The following PHACTR1 variants were observed in gnomAD, a reference collection of about 807,000 sequenced individuals.
The protein encoded by PHACTR1 is phosphatase and actin regulator 1, also known as RPEL repeat containing 1.
PHACTR1 carries 16 observed loss-of-function variants against 69.2 expected under a neutral mutation model. The observed-to-expected ratio is 0.23, with a 90% CI of 0.16 to 0.35. The LOEUF is 0.35. Ranked by LOEUF, PHACTR1 falls within the 10% of genes least tolerant of loss-of-function variation. The pLI is 1.00. For missense variants in PHACTR1, 510 were observed against 734.7 expected (o/e 0.69, Z 3.54); for synonymous variants, 312 against 284.5 (o/e 1.10, Z -0.97).
chr6:13,139,694 C>T (rs900786165), intron 5 of PHACTR1, among the ~76,000 whole-genome samples: 1 of 152,140 alleles, frequency 6.6e-6, no homozygotes, highest in Non-Finnish European at 1.5e-5. Context: ...TAAAGACTTT[C>T]ATCACACACA....
intron 4 of PHACTR1, among the ~76,000 whole-genome samples, chr6:12,915,189 A>G (rs768821640): frequency 2.6e-5 from 4 of 152,166 alleles, no homozygotes; most frequent in Non-Finnish European, 5.9e-5. Flanking sequence ...GAGTGAGAGC[A>G]AGAAAATGCA....
At chr6:13,250,708 T>C (rs977863057) in intron 10 of PHACTR1, among the ~76,000 whole-genome samples, 3 of 152,188 alleles carry the variant, frequency 2.0e-5, no homozygotes, top group African/African-American at 7.2e-5. Flanking sequence ...TGAAGCTAGA[T>C]TCCAAGTCCT....
intron 4 of PHACTR1, among the ~76,000 whole-genome samples, chr6:12,804,204 T>C (rs1394732957): frequency 6.6e-6 from 1 of 152,244 alleles, no homozygotes; most frequent in Non-Finnish European, 1.5e-5. Flanking sequence ...CAAATGCCTA[T>C]GGAATTATCT....
At chr6:12,860,883 A>G (rs1015133335) in intron 4 of PHACTR1, among the ~76,000 whole-genome samples, 1 of 152,080 alleles carries the variant, frequency 6.6e-6, no homozygotes, top group African/African-American at 2.4e-5. Context: ...TGACAATTAC[A>G]AAATTCATTG....
At chr6:13,167,504 C>T (rs568233388) in intron 6 of PHACTR1, among the ~76,000 whole-genome samples, 1 of 152,320 alleles carries the variant, frequency 6.6e-6, no homozygotes, top group South Asian at 2.1e-4. Flanking sequence ...ATGTGGCAGC[C>T]TGCCGTGAGA....
chr6:12,839,123 G>T (rs1398362566), intron 4 of PHACTR1, among the ~76,000 whole-genome samples: 1 of 152,216 alleles, frequency 6.6e-6, no homozygotes, highest in Non-Finnish European at 1.5e-5. Context: ...TGGCTAGCAA[G>T]TAGCAGGGCC....
chr6:13,110,830 C>T (rs550179957), intron 5 of PHACTR1, among the ~76,000 whole-genome samples: 32 of 152,250 alleles, frequency 2.1e-4, no homozygotes, highest in South Asian at 1.2e-3. Flanking sequence ...TTTTTACAGT[C>T]GAAGGTCAGA....
Position 12,718,728 on chromosome 6 carries a change from T to C in PHACTR1, c.-17T>C. On this transcript the variant is annotated 5_prime_UTR_variant, in exon 3 of 15. Transcript: ENST00000332995. ...TCCAGTGTTTTCTCTCAAAACTCTGTGTTTGGAACATCAAGGATGGATTAT... is the reference window on the plus strand; with the variant it reads ...TCCAGTGTTTTCTCTCAAAACTCTGCGTTTGGAACATCAAGGATGGATTAT... 1 of 1,421,330 alleles carries C rather than the reference T, an allele frequency of 7.0e-7. No homozygotes were observed. The highest frequency in any genetic ancestry group is 9.6e-7 in the Non-Finnish European group (1 of 1,041,466). 88.0% of individuals were successfully genotyped at this position (1,421,330 alleles called of 1,614,324 possible).
At chr6:13,224,787 A>T (rs1769313635) in intron 8 of PHACTR1, among the ~76,000 whole-genome samples, 2 of 152,222 alleles carry the variant, frequency 1.3e-5, no homozygotes, top group Admixed American at 6.5e-5. Context: ...CTTGAGAGGC[A>T]TTCAAAGTTC....
chr6:12,917,299 T>C (rs1277432397), intron 4 of PHACTR1, among the ~76,000 whole-genome samples: 1 of 152,232 alleles, frequency 6.6e-6, no homozygotes, highest in African/African-American at 2.4e-5. Context: ...TGGATTTTTC[T>C]CTAGCCAGTT....
rs1161324144 is a variant in PHACTR1 at position 12,955,192 on chromosome 6, C to CTTTTTTTT, written c.251-98160_251-98153dup. 1.9e-3 allele frequency among the ~76,000 whole-genome samples: 196 copies of CTTTTTTTT among 103,270 alleles called. 31 individuals are homozygous for CTTTTTTTT. The highest frequency in any genetic ancestry group is 9.3e-3 in the African/African-American group (181 of 19,510). The allele number at this position is 103,270 out of a possible 152,430, so 67.7% of individuals were successfully genotyped here. A position where few individuals can be genotyped will look rare whatever the true frequency, so the allele number is the denominator to read the frequency against. On this transcript the variant is annotated intron_variant, in intron 4 of 14. Coordinates refer to ENST00000332995, the MANE Select transcript of PHACTR1 (RefSeq NM_030948.6). ...ATCTATGGCTCACATTGTATTTCCT[C>CTTTTTTTT]TTTTTTTTTTTTTTTTTTTTGAGAG...
chr6:12,746,733 T>C (rs1041112942), intron 3 of PHACTR1, among the ~76,000 whole-genome samples: 3 of 152,182 alleles, frequency 2.0e-5, no homozygotes. Context: ...AAATGTTAAA[T>C]GAATAAGAAA....
At chr6:13,105,382 C>T (rs994029215) in intron 5 of PHACTR1, among the ~76,000 whole-genome samples, 4 of 150,332 alleles carry the variant, frequency 2.7e-5, no homozygotes, top group African/African-American at 7.3e-5. Flanking sequence ...CTGTCTCTGG[C>T]GTGTGTGTCG....
At chr6:12,866,268 T>C (rs1198816054) in intron 4 of PHACTR1, among the ~76,000 whole-genome samples, 1 of 152,182 alleles carries the variant, frequency 6.6e-6, no homozygotes, top group African/African-American at 2.4e-5. Flanking sequence ...AAATGGTATA[T>C]CAAGCAAACA....
chr6:13,018,869 G>GTTTATTTA (rs58974279), intron 4 of PHACTR1, among the ~76,000 whole-genome samples: 163 of 151,984 alleles, frequency 1.1e-3, no homozygotes, highest in African/African-American at 3.8e-3. Flanking sequence ...CTATCTGTTT[G>GTTTATTTA]TTTATTTATT....
chr6:12,928,931 C>A (rs1028389188), intron 4 of PHACTR1, among the ~76,000 whole-genome samples: 4 of 152,174 alleles, frequency 2.6e-5, no homozygotes, highest in African/African-American at 9.7e-5. Flanking sequence ...GGAAAAAGCT[C>A]CTTAAATCAG....
intron 5 of PHACTR1, among the ~76,000 whole-genome samples, chr6:13,144,744 C>G (rs567710490): frequency 2.7e-5 from 4 of 145,822 alleles, no homozygotes; most frequent in Non-Finnish European, 6.0e-5. Flanking sequence ...GTACTCCAGC[C>G]TGGGCAACAG....
chr6:12,864,454 G>A (rs1236988615), intron 4 of PHACTR1, among the ~76,000 whole-genome samples: 1 of 152,176 alleles, frequency 6.6e-6, no homozygotes, highest in Non-Finnish European at 1.5e-5. Flanking sequence ...GCCGAGGTGG[G>A]CGGATCACGA....
chr6:13,145,894 G>T (rs1823274909), intron 5 of PHACTR1, among the ~76,000 whole-genome samples: 1 of 152,156 alleles, frequency 6.6e-6, no homozygotes, highest in Non-Finnish European at 1.5e-5. Context: ...AATATATCAA[G>T]CCAAAATTCT....
Sources: allele counts gnomAD v4.1 joint callset (sites outside exome capture counted in the v4.1 genomes callset), GRCh38; gene constraint gnomAD v4.1.1; transcripts MANE v1.5; gene names NCBI Gene and HGNC (gene_info 2026-07-23, HGNC 2026-07-21).